CORIN: variants seen among roughly 807,000 people sequenced by gnomAD.
CORIN encodes atrial natriuretic peptide-converting enzyme.
Under a neutral mutation model 125.3 loss-of-function variants are expected in CORIN, and 117 were observed. The observed-to-expected ratio is 0.93, with a 90% CI of 0.80 to 1.09. The LOEUF is 1.09. CORIN is among the 50% of genes least tolerant of loss of function. CORIN has a pLI of 0.00. For missense variants in CORIN, 1,253 were observed against 1,306.7 expected (o/e 0.96, Z 0.63); for synonymous variants, 450 against 466.4 (o/e 0.96, Z 0.45).
In CORIN at chr4:47,674,477, C is replaced by T; in HGVS notation, c.1273G>A (p.Asp425Asn). 6.2e-7 allele frequency: 1 copy of T among 1,613,592 alleles called. No homozygotes were observed. The highest frequency in any genetic ancestry group is 8.5e-7 in the Non-Finnish European group (1 of 1,179,566). The change falls in exon 10 of 22, where the codon GAC becomes AAC. Residue 425 changes from aspartate (D) to asparagine (N), a missense_variant. Transcript: ENST00000273857. The stretch of plus-strand genomic sequence containing the variant: ...CAGGGATTGTAGAGGCATCTTTGGT[C>T]TCCTTCTTGACATGAAGTCTGAACT... ...SVIQTSCQEG[D>N]QRCLYNPCLD...
chr4:47,772,683 T>C (rs1730103570), intron 3 of CORIN, among the ~76,000 whole-genome samples: 1 of 152,202 alleles, frequency 6.6e-6, no homozygotes, highest in Non-Finnish European at 1.5e-5. Flanking sequence ...ATCTGTAAAA[T>C]GGAAATAATA....
Position 47,683,826 on chromosome 4 carries a change from T to C in CORIN, c.926A>G (p.Asn309Ser), listed in dbSNP as rs146917620. The C allele has an allele frequency of 3.7e-6, 6 of 1,612,448 alleles. No homozygotes were observed. The African/African-American group carries it at 5.3e-5, about 14-fold the overall frequency. ...SDEAHCNCSE[N>S]LFHCHTGKCL... ...CTTGCCTGTGTGACAGTGAAACAGATTCTCGCTGCAGTCTGCAAATAAAAG... is the reference window on the plus strand; with the variant it reads ...CTTGCCTGTGTGACAGTGAAACAGACTCTCGCTGCAGTCTGCAAATAAAAG... Residue 309 changes from asparagine to serine, a missense_variant, in exon 7 of 22, where the codon AAT becomes AGT. Asn to Ser is a conservative substitution (Grantham distance 46, BLOSUM62 1). Transcript: ENST00000273857.
Position 47,806,976 on chromosome 4 carries a change from C to T in CORIN, c.135G>A (p.Arg45=). 6.2e-7 allele frequency: 1 copy of T among 1,613,888 alleles called. No individual in the cohort carries two copies. The highest frequency in any genetic ancestry group is 1.3e-5 in the African/African-American group (1 of 75,012). Reference sequence around the variant, plus strand: ...ATGGAATCAGGACCAGCAATAGGAACCGGAGGAGGTTAGCAGTCGCCAGCT... The same window carrying T: ...ATGGAATCAGGACCAGCAATAGGAATCGGAGGAGGTTAGCAGTCGCCAGCT... ...SQKLATANLL[R]FLLLVLIPCI... Residue 45 remains arginine, a synonymous_variant, in exon 2 of 22, where the codon CGG becomes CGA. Transcript: ENST00000273857.
intron 7 of CORIN, chr4:47,682,040 T>C (rs1725307176): frequency 6.6e-6 from 1 of 152,100 alleles, no homozygotes; most frequent in South Asian, 2.1e-4. Context: ...AAGCCAGGCA[T>C]AGAAACAGAA....
At chr4:47,676,234 C>A (rs1220627617) in intron 9 of CORIN, among the ~76,000 whole-genome samples, 1 of 152,224 alleles carries the variant, frequency 6.6e-6, no homozygotes, top group African/African-American at 2.4e-5. Flanking sequence ...ACCAGGCCCC[C>A]TTTCGTTCTC....
chr4:47,614,385 T>C (rs1318002614), intron 19 of CORIN, among the ~76,000 whole-genome samples: 1 of 152,078 alleles, frequency 6.6e-6, no homozygotes, highest in Non-Finnish European at 1.5e-5. Flanking sequence ...TCAGTAGAGA[T>C]GCGGTTTCAC....
At position 47,683,713 on chromosome 4, in the gene CORIN, G is replaced by T; in HGVS notation, c.1021+18C>A. 1 of 1,551,836 alleles carries T rather than the reference G, an allele frequency of 6.4e-7. No individual in the cohort carries two copies. The highest frequency in any genetic ancestry group is 8.8e-7 in the Non-Finnish European group (1 of 1,132,410). On this transcript the variant is annotated intron_variant, in intron 7 of 21. Coordinates refer to ENST00000273857, the MANE Select transcript of CORIN (RefSeq NM_006587.4). ...TATGATTTTAAATTAAAACCTTTGG[G>T]GAAACAATGCTACTTACCACAGTTT...
chr4:47,613,439 C>T (rs926221717), intron 19 of CORIN, among the ~76,000 whole-genome samples: 11 of 151,926 alleles, frequency 7.2e-5, no homozygotes, highest in Admixed American at 2.6e-4. Context: ...AGCAACAGAG[C>T]GAGACTCCGT....
intron 10 of CORIN, among the ~76,000 whole-genome samples, chr4:47,666,911 T>C (rs1297763172): frequency 6.6e-6 from 1 of 152,172 alleles, no homozygotes; most frequent in East Asian, 1.9e-4. Flanking sequence ...AACAAAATGC[T>C]AGAGTCCAAA....
At chr4:47,753,690 G>A (rs554331197) in intron 4 of CORIN, among the ~76,000 whole-genome samples, 150 of 152,118 alleles carry the variant, frequency 9.9e-4, no homozygotes, top group Non-Finnish European at 1.5e-3. Flanking sequence ...GCCCGACCCC[G>A]CAGGCAGTCA....
chr4:47,600,875 T>A (rs1352143934), intron 20 of CORIN, among the ~76,000 whole-genome samples: 2 of 152,202 alleles, frequency 1.3e-5, no homozygotes, highest in African/African-American at 4.8e-5. Flanking sequence ...CTAGAGGATA[T>A]GACAGAGAGA....
intron 5 of CORIN, among the ~76,000 whole-genome samples, chr4:47,724,400 G>T (rs951758820): frequency 6.6e-6 from 1 of 151,966 alleles, no homozygotes; most frequent in Non-Finnish European, 1.5e-5. Flanking sequence ...TTATCAAAAG[G>T]TCCAATATTG....
intron 6 of CORIN, among the ~76,000 whole-genome samples, chr4:47,684,705 A>G (rs1331059482): frequency 1.3e-5 from 2 of 152,232 alleles, no homozygotes; most frequent in African/African-American, 4.8e-5. Context: ...GGACAATACT[A>G]GAATAATATT....
At position 47,626,430 on chromosome 4, in the gene CORIN, T is replaced by C. The variant is rs757315884; in HGVS notation, c.2290A>G (p.Thr764Ala). Residue 764 changes from threonine (T) to alanine (A), a missense_variant, in exon 17 of 22, where the codon ACT becomes GCT. Physicochemically the swap from Thr to Ala is moderately conservative, Grantham distance 58 (BLOSUM62 0). Coordinates refer to ENST00000273857, the MANE Select transcript of CORIN (RefSeq NM_006587.4). The part of the protein sequence containing the change: ...HSNWESLNGT[T>A]LHELLVNGQS... ...CCATTTACTAGAAGTTCATGTAAAG[T>C]GGTCCCATTGAGGCTCTCCCAGTTG... 4 of 1,610,524 alleles carry C rather than the reference T, an allele frequency of 2.5e-6. No individual in the cohort carries two copies. The South Asian group carries it at 4.4e-5, about 18-fold the overall frequency.
intron 16 of CORIN, among the ~76,000 whole-genome samples, chr4:47,631,714 C>T (rs1722813526): frequency 6.6e-6 from 1 of 152,180 alleles, no homozygotes; most frequent in African/African-American, 2.4e-5. Flanking sequence ...CAAAACCAGT[C>T]CCTGGTGCCA....
At chr4:47,665,361 A>G in intron 10 of CORIN, 98 bp from the exon 11 acceptor site, 3 of 821,182 alleles carry the variant, frequency 3.7e-6, no homozygotes, top group South Asian at 3.6e-5. Context: ...TTCTTTCTTT[A>G]GAGTAGCTAA....
intron 2 of CORIN, among the ~76,000 whole-genome samples, chr4:47,799,027 C>T (rs1325256477): frequency 1.3e-5 from 2 of 151,882 alleles, no homozygotes. Flanking sequence ...TTTGCTTAAG[C>T]TAATGGCCTC....
chr4:47,626,556 GTACA>G, intron 16 of CORIN, 35 bp from the exon 17 acceptor site: 7 of 1,281,814 alleles, frequency 5.5e-6, no homozygotes, highest in Non-Finnish European at 8.0e-6. Flanking sequence ...AGTATTCAAA[GTACA>G]ATGATCTTTG....
At chr4:47,795,233 A>G (rs954877876) in intron 2 of CORIN, among the ~76,000 whole-genome samples, 1 of 152,212 alleles carries the variant, frequency 6.6e-6, no homozygotes. Flanking sequence ...TGATGCCTCT[A>G]TCTTTGTCGT....
Sources: gnomAD v4.1 joint callset for allele counts (sites outside exome capture counted in the v4.1 genomes callset) on GRCh38, gnomAD v4.1.1 for gene constraint, MANE v1.5 for transcripts, NCBI Gene and HGNC (gene_info 2026-07-23, HGNC 2026-07-21) for gene names.